DPF3: variants seen among roughly 807,000 people sequenced by gnomAD.
DPF3 encodes double PHD fingers 3.
DPF3 carries 18 observed loss-of-function variants against 56.8 expected under a neutral mutation model. The ratio of observed to expected loss-of-function variants is 0.32; its 90% confidence interval spans 0.22 to 0.47. The LOEUF is 0.47. Among genes scored for constraint, DPF3 ranks in the 20% least tolerant of loss-of-function variants. The probability of loss-of-function intolerance (pLI) is 1.00; values close to 1 mark genes in which losing one functional copy is unlikely to be tolerated. For synonymous variants in DPF3, 188 were observed against 180.2 expected, an observed-to-expected ratio of 1.04 and a Z score of -0.35; for missense variants, 403 against 488.8, an observed-to-expected ratio of 0.82 and a Z score of 1.65.
intron 2 of DPF3, among the ~76,000 whole-genome samples, chr14:72,754,989 T>G (rs925310870): frequency 3.9e-5 from 6 of 152,214 alleles, no homozygotes; most frequent in Admixed American, 3.3e-4. Context: ...CCATTGGCCC[T>G]GCTGTTCCTG....
intron 8 of DPF3, among the ~76,000 whole-genome samples, chr14:72,631,403 A>C (rs999211087): frequency 2.0e-5 from 3 of 152,260 alleles, no homozygotes; most frequent in Non-Finnish European, 4.4e-5. Context: ...TCTAAGAAGA[A>C]CATTAGCCAG....
intron 1 of DPF3, among the ~76,000 whole-genome samples, chr14:72,888,060 T>C (rs764306944): frequency 1.3e-5 from 2 of 152,148 alleles, no homozygotes. Context: ...GGATTAGACA[T>C]GTGCCAGCAT....
chr14:72,816,110 C>T (rs17121101), intron 1 of DPF3, among the ~76,000 whole-genome samples: 62,747 of 151,904 alleles, frequency 0.41, 14,984 homozygotes, highest in Non-Finnish European at 0.53. Context: ...CCAGAGTCCA[C>T]GTGAGCCCTC....
At chr14:72,873,086 C>G (rs903630219) in intron 1 of DPF3, among the ~76,000 whole-genome samples, 10 of 152,112 alleles carry the variant, frequency 6.6e-5, no homozygotes, top group Admixed American at 5.2e-4. Flanking sequence ...TCTAAATAAA[C>G]TAAAGAGCTT....
At chr14:72,806,679 C>T (rs1882797847) in intron 1 of DPF3, 1 of 152,202 alleles carries the variant, frequency 6.6e-6, no homozygotes, top group Admixed American at 6.5e-5. Context: ...GGAAGTGCAA[C>T]CAAGTGCTCC....
intron 8 of DPF3, among the ~76,000 whole-genome samples, chr14:72,650,036 C>A (rs1246436378): frequency 6.6e-6 from 1 of 152,194 alleles, no homozygotes; most frequent in East Asian, 1.9e-4. Flanking sequence ...CGGTGGCCTC[C>A]CCTGCCAGAG....
In DPF3 at chr14:72,808,225, C is replaced by T. The variant is rs569364659; in HGVS notation, c.33-36332G>A. ...GGTCAGGGCTGGAGACCAGCAGAAC[C>T]GAGGTGAAATGTAGGACCATCTGAT... On this transcript the variant is annotated intron_variant, in intron 1 of 10. Coordinates refer to ENST00000556509, the MANE Select transcript of DPF3 (RefSeq NM_001280542.3). Among the ~76,000 whole-genome samples the T allele has an allele frequency of 6.6e-5, 10 of 152,142 alleles. No homozygotes were observed. The South Asian group carries it at 1.9e-3, about 29-fold the overall frequency.
chr14:72,894,061 T>C lies in DPF3; in HGVS notation c.28A>G (p.Lys10Glu). Residue 10 changes from lysine (K) to glutamate (E), a missense_variant, in exon 1 of 11, where the codon AAA becomes GAA. Lys to Glu is a moderately conservative substitution (Grantham distance 56). Transcript: ENST00000556509. MATVIHNPL[K>E]ALGDQFYKEA... ...ACATTTTTTAGTCTTACTTACGCTT[T>C]CAGGGGGTTGTGAATGACAGTCGCC... is the stretch of plus-strand genomic sequence containing the variant. The C allele has an allele frequency of 1.2e-6, 2 of 1,610,754 alleles. No individual in the cohort carries two copies. Among genetic ancestry groups the C allele is most frequent in the Non-Finnish European group, 1.7e-6 (2 of 1,178,782 alleles).
At chr14:72,892,576 T>C in intron 1 of DPF3, 1 of 1,297,544 alleles carries the variant, frequency 7.7e-7, no homozygotes, top group East Asian at 3.2e-5. Flanking sequence ...TCCTTTGCGT[T>C]AGGAACCCCC....
chr14:72,643,750 G>A lies in DPF3; in HGVS notation c.872-14014C>T, dbSNP rs191661088. ...AGCCTCTGAGAGGAGCACAAAAGAC[G>A]GCTGGCATCCAAAGCCAATTTCACA... is the stretch of plus-strand genomic sequence containing the variant. On this transcript the variant is annotated intron_variant, in intron 8 of 10. Transcript: ENST00000556509. 4.6e-5 allele frequency among the ~76,000 whole-genome samples: 7 copies of A among 152,304 alleles called. No homozygotes were observed. The East Asian group carries it at 1.2e-3, about 25-fold the overall frequency.
chr14:72,670,192 C>T (rs917070072), intron 8 of DPF3: 5 of 985,870 alleles, frequency 5.1e-6, no homozygotes, highest in East Asian at 1.1e-4. Flanking sequence ...GGGAAACACA[C>T]GATGATGTCT....
chr14:72,715,703 G>A (rs1202859457), intron 5 of DPF3, among the ~76,000 whole-genome samples: 1 of 151,818 alleles, frequency 6.6e-6, no homozygotes, highest in Non-Finnish European at 1.5e-5. Context: ...TGTACCCTAG[G>A]CCTGCAACAC....
intron 1 of DPF3, among the ~76,000 whole-genome samples, chr14:72,883,072 G>A (rs1163728788): frequency 3.3e-5 from 5 of 152,218 alleles, no homozygotes; most frequent in Non-Finnish European, 5.9e-5. Context: ...TTCTCGTTGT[G>A]CTCAACTGGC....
intron 2 of DPF3, among the ~76,000 whole-genome samples, chr14:72,762,856 T>G (rs1212277239): frequency 1.3e-5 from 2 of 151,980 alleles, no homozygotes; most frequent in Non-Finnish European, 2.9e-5. Context: ...GATAATCAAC[T>G]ATATAGAAAA....
intron 1 of DPF3, among the ~76,000 whole-genome samples, chr14:72,885,369 G>GGTTT (rs36017937): frequency 0.057 from 8,460 of 149,162 alleles, 285 homozygotes; most frequent in Non-Finnish European, 0.076. Context: ...TAATTTTTTG[G>GGTTT]GTTTGTTTGT....
intron 8 of DPF3, chr14:72,671,277 C>A (rs367664712): frequency 4.3e-6 from 7 of 1,613,888 alleles, no homozygotes; most frequent in Non-Finnish European, 5.9e-6. Context: ...CGAATAAGTC[C>A]TCCGTGGTAC....
intron 4 of DPF3, among the ~76,000 whole-genome samples, chr14:72,727,723 G>A (rs1045771279): frequency 1.3e-5 from 2 of 152,084 alleles, no homozygotes; most frequent in African/African-American, 4.8e-5. Flanking sequence ...ATTCGAATAT[G>A]AGTAGAGAGG....
intron 1 of DPF3, among the ~76,000 whole-genome samples, chr14:72,831,357 A>C (rs898023906): frequency 2.0e-5 from 3 of 152,034 alleles, no homozygotes; most frequent in Admixed American, 6.5e-5. Flanking sequence ...CAAGGGAAAA[A>C]AAAAACAAAA....
chr14:72,622,820 G>A (rs1599309285), intron 9 of DPF3, among the ~76,000 whole-genome samples: 1 of 152,120 alleles, frequency 6.6e-6, no homozygotes, highest in East Asian at 1.9e-4. Context: ...CCCTGACCAT[G>A]TGAGAGGAAT....
Sources: gnomAD v4.1 joint callset for allele counts (sites outside exome capture counted in the v4.1 genomes callset) on GRCh38, gnomAD v4.1.1 for gene constraint, MANE v1.5 for transcripts, NCBI Gene and HGNC (gene_info 2026-07-23, HGNC 2026-07-21) for gene names.